The following PEX1 variants were observed in gnomAD, a reference collection of about 807,000 sequenced individuals.
The protein encoded by PEX1 is peroxisomal biogenesis factor 1.
PEX1 carries 97 observed loss-of-function variants against 152.5 expected under a neutral mutation model. The ratio of observed to expected loss-of-function variants is 0.64; its 90% CI spans 0.54 to 0.75. PEX1 has a LOEUF of 0.75. Ranked by LOEUF, PEX1 falls within the 30% of genes least tolerant of loss-of-function variation. The pLI is 0.00. For missense variants in PEX1, 1,357 were observed against 1,516.3 expected (o/e 0.89, Z 1.74); for synonymous variants, 485 against 531.6 (o/e 0.91, Z 1.21).
intron 8 of PEX1, 43 bp from the exon 9 acceptor site, chr7:92,509,454 T>C (rs748443980): frequency 2.1e-6 from 3 of 1,409,166 alleles, no homozygotes; most frequent in Admixed American, 3.4e-5. Flanking sequence ...TCAAAGTATG[T>C]CTTTTGCATG....
chr7:92,528,296 CGGCA>C lies in PEX1; in HGVS notation c.129+7_129+10del. 6.4e-7 allele frequency: 1 copy of C among 1,552,688 alleles called. No individual in the cohort carries two copies. Among genetic ancestry groups the C allele is most frequent in the Non-Finnish European group, 8.7e-7 (1 of 1,149,866 alleles). On this transcript the variant is annotated splice_region_variant and intron_variant, in intron 1 of 23. Transcript: ENST00000248633. ...GGCTGAAGATCAGGTGGCTCGGGGC[CGGCA>C]GGTTACCTGCAGCAGATGCAGCTGG...
At chr7:92,500,649 C>A (rs1562852905) in intron 15 of PEX1, among the ~76,000 whole-genome samples, 1 of 152,208 alleles carries the variant, frequency 6.6e-6, no homozygotes, top group Non-Finnish European at 1.5e-5. Context: ...GCCCCAGTGG[C>A]CACTGTTCCC....
chr7:92,506,359 CT>C lies in PEX1; in HGVS notation c.1804-16del. 2.0e-6 allele frequency: 3 copies of C among 1,486,264 alleles called. No individual in the cohort carries two copies. Among genetic ancestry groups the C allele is most frequent in the Non-Finnish European group, 2.8e-6 (3 of 1,063,810 alleles). 92.1% of individuals were successfully genotyped at this position (1,486,264 alleles called of 1,614,324 possible). A position where few individuals can be genotyped will look rare whatever the true frequency, so the allele number is the denominator to read the frequency against. Reference sequence around the variant, plus strand: ...TTTCCACTTCCCTAGAAAATAATTGCTTTATAGGAATTCCCAATATATTCAG... The same window carrying C: ...TTTCCACTTCCCTAGAAAATAATTGCTTATAGGAATTCCCAATATATTCAG... On this transcript the variant is annotated splice_polypyrimidine_tract_variant and intron_variant, in intron 10 of 23. Coordinates refer to ENST00000248633, the MANE Select transcript of PEX1 (RefSeq NM_000466.3).
chr7:92,489,957 G>C (rs532197970), intron 21 of PEX1, 46 bp from the exon 22 acceptor site: 7 of 1,410,204 alleles, frequency 5.0e-6, no homozygotes, highest in African/African-American at 1.4e-5. Context: ...AAGAGGGGGA[G>C]AGAAAAAACT....
intron 5 of PEX1, among the ~76,000 whole-genome samples, chr7:92,515,008 C>A (rs1304082774): frequency 1.4e-5 from 2 of 146,072 alleles, no homozygotes; most frequent in Non-Finnish European, 3.0e-5. Context: ...GAGATCGCCA[C>A]CACACTCCGG....
At chr7:92,496,840 G>T (rs1044086806) in intron 16 of PEX1, 63 bp from the exon 17 acceptor site, 2 of 1,034,748 alleles carry the variant, frequency 1.9e-6, no homozygotes, top group African/African-American at 1.6e-5. Flanking sequence ...TTTGGTTTCT[G>T]ACTAAGTCTA....
rs1344042611 is a variant in PEX1 at position 92,491,317 on chromosome 7, T to G, written c.3393A>C (p.Gly1131=). Reference sequence around the variant, plus strand: ...TTCCAAGTTCTGATTCATAAGAGCTTCCAAAGTAGAGCCGGTACATATTGA... The same window carrying G: ...TTCCAAGTTCTGATTCATAAGAGCTGCCAAAGTAGAGCCGGTACATATTGA... ...SKFNMYRLYF[G]SSYESELGNG... The change falls in exon 21 of 24, where the codon GGA becomes GGC. Residue 1131 remains glycine (G), a synonymous_variant. Coordinates refer to ENST00000248633, the MANE Select transcript of PEX1 (RefSeq NM_000466.3). The G allele has an allele frequency of 6.2e-7, 1 of 1,613,972 alleles. No individual in the cohort carries two copies. Among genetic ancestry groups the G allele is most frequent in the Admixed American group, 1.7e-5 (1 of 60,010 alleles).
intron 8 of PEX1, among the ~76,000 whole-genome samples, chr7:92,510,191 C>A (rs111642561): frequency 6.7e-6 from 1 of 148,484 alleles, no homozygotes; most frequent in African/African-American, 2.5e-5. Flanking sequence ...AATAGCTGGG[C>A]GCAGTGGCTC....
intron 23 of PEX1, 25 bp from the exon 24 acceptor site, chr7:92,487,566 A>G: frequency 9.5e-7 from 1 of 1,048,606 alleles, no homozygotes; most frequent in South Asian, 1.3e-5. Flanking sequence ...AGATAATTTA[A>G]TATGTATAAA....
intron 21 of PEX1, among the ~76,000 whole-genome samples, chr7:92,490,628 G>A (rs1791246284): frequency 1.4e-5 from 1 of 72,366 alleles, no homozygotes; most frequent in Non-Finnish European, 2.5e-5. Context: ...GAGTGAGACT[G>A]TCTCAAAAAA....
chr7:92,516,790 T>C (rs1468246167), intron 5 of PEX1, among the ~76,000 whole-genome samples: 1 of 152,220 alleles, frequency 6.6e-6, no homozygotes, highest in Admixed American at 6.5e-5. Flanking sequence ...AGCTCCTGGA[T>C]GCATTCCAAT....
intron 20 of PEX1, among the ~76,000 whole-genome samples, chr7:92,492,683 A>G (rs1791402402): frequency 6.6e-6 from 1 of 152,224 alleles, no homozygotes; most frequent in South Asian, 2.1e-4. Context: ...AATTCATGGT[A>G]TCCCAATTTA....
intron 8 of PEX1, among the ~76,000 whole-genome samples, chr7:92,510,432 C>T (rs2116201738): frequency 6.6e-6 from 1 of 151,846 alleles, no homozygotes; most frequent in East Asian, 1.9e-4. Context: ...TGCCACTGCA[C>T]TCCAGCCTGG....
chr7:92,504,888 T>C lies in PEX1; in HGVS notation c.1915A>G (p.Asn639Asp), dbSNP rs1212641897. 6 of 1,613,112 alleles carry C rather than the reference T, an allele frequency of 3.7e-6. No homozygotes were observed. Among genetic ancestry groups the C allele is most frequent in the Non-Finnish European group, 5.1e-6 (6 of 1,179,162 alleles). Reference sequence around the variant, plus strand: ...GCCACCTCTAGGGTTTTTTGTATGTTTTCAAGCCTTTTTCCTTAATACAGA... The same window carrying C: ...GCCACCTCTAGGGTTTTTTGTATGTCTTCAAGCCTTTTTCCTTAATACAGA... ...CKALRGKRLENIQKTLEVAFS... is the reference protein window; with the variant it reads ...CKALRGKRLEDIQKTLEVAFS... The change falls in exon 12 of 24, where the codon AAC (asparagine) becomes GAC (aspartate). Residue 639 changes from asparagine to aspartate, a missense_variant. Coordinates refer to ENST00000248633, the MANE Select transcript of PEX1 (RefSeq NM_000466.3).
intron 3 of PEX1, among the ~76,000 whole-genome samples, chr7:92,518,769 C>T (rs1324376958): frequency 2.0e-5 from 3 of 152,142 alleles, no homozygotes; most frequent in Admixed American, 6.5e-5. Flanking sequence ...GGGGTTTCAC[C>T]ATGTTGCCCA....
chr7:92,513,801 C>G (rs780633763), intron 6 of PEX1, 47 bp downstream of exon 6: 2 of 1,432,834 alleles, frequency 1.4e-6, no homozygotes, highest in East Asian at 4.6e-5. Context: ...AGAAATCTTA[C>G]AAAACGTGTA....
chr7:92,491,289 C>T lies in PEX1; in HGVS notation c.3421G>A (p.Gly1141Arg). 1 of 1,606,982 alleles carries T rather than the reference C, an allele frequency of 6.2e-7. No homozygotes were observed. The highest frequency in any genetic ancestry group is 8.5e-7 in the Non-Finnish European group (1 of 1,173,714). The change falls in exon 21 of 24, where the codon GGA (glycine) becomes AGA (arginine). Residue 1141 changes from glycine (G) to arginine (R), a missense_variant. By Grantham distance (125) the Gly-to-Arg change is moderately radical. Coordinates refer to ENST00000248633, the MANE Select transcript of PEX1 (RefSeq NM_000466.3). ...GSSYESELGN[G>R]TSSDLSSQCL... ...CAAGATACCAAATCAGAAGAGGTTC[C>T]ATTTCCAAGTTCTGATTCATAAGAG...
At chr7:92,495,637 A>G (rs1461197335) in intron 17 of PEX1, among the ~76,000 whole-genome samples, 1 of 152,062 alleles carries the variant, frequency 6.6e-6, no homozygotes, top group East Asian at 1.9e-4. Context: ...CATTTCTGGG[A>G]TATCTTTAGC....
intron 9 of PEX1, 188 bp from the exon 10 acceptor site, chr7:92,507,314 C>T: frequency 3.8e-6 from 2 of 525,794 alleles, no homozygotes; most frequent in Non-Finnish European, 6.7e-6. Flanking sequence ...ACCCAGCTCC[C>T]TGCAGCCTCA....
Sources: allele counts gnomAD v4.1 joint callset (sites outside exome capture counted in the v4.1 genomes callset), GRCh38; gene constraint gnomAD v4.1.1; transcripts MANE v1.5; gene names NCBI Gene and HGNC (gene_info 2026-07-23, HGNC 2026-07-21).